Variants in ATP9B observed in about 807,000 individuals in gnomAD.
ATP9B encodes probable phospholipid-transporting ATPase IIB.
Under a neutral mutation model 146.1 loss-of-function variants are expected in ATP9B, and 110 were observed. The ratio of observed to expected loss-of-function variants is 0.75; its 90% CI spans 0.65 to 0.88. ATP9B has a LOEUF of 0.88. ATP9B is among the 40% of genes least tolerant of loss of function. The probability of loss-of-function intolerance (pLI) is 0.00; values close to 1 mark genes in which losing one functional copy is unlikely to be tolerated. For synonymous variants in ATP9B, 604 were observed against 569.7 expected, an observed-to-expected ratio of 1.06 and a Z score of -0.86; for missense variants, 1,499 against 1,496.4, an observed-to-expected ratio of 1.00 and a Z score of -0.03.
intron 11 of ATP9B, among the ~76,000 whole-genome samples, chr18:79,220,962 C>T (rs1026570236): frequency 2.0e-5 from 3 of 152,186 alleles, no homozygotes; most frequent in South Asian, 2.1e-4. Context: ...CGTCCTCTCC[C>T]GTTGCCCTCT....
chr18:79,375,283 T>C, intron 28 of ATP9B, 111 bp from the exon 29 acceptor site: 1 of 969,010 alleles, frequency 1.0e-6, no homozygotes, highest in Non-Finnish European at 1.6e-6. Context: ...CAGCTTGCAC[T>C]GCCATTTTAT....
At chr18:79,343,395 T>G (rs1012939950) in intron 20 of ATP9B, among the ~76,000 whole-genome samples, 8 of 152,324 alleles carry the variant, frequency 5.3e-5, no homozygotes, top group African/African-American at 1.9e-4. Context: ...TCTTTTATGC[T>G]CCATAAAATC....
At chr18:79,173,493 C>T (rs2095111775) in intron 7 of ATP9B, among the ~76,000 whole-genome samples, 1 of 150,666 alleles carries the variant, frequency 6.6e-6, no homozygotes, top group South Asian at 2.1e-4. Flanking sequence ...GAGTTAATTA[C>T]TGTATAAGAT....
intron 6 of ATP9B, among the ~76,000 whole-genome samples, chr18:79,151,611 G>A (rs1302062022): frequency 2.6e-5 from 4 of 152,296 alleles, no homozygotes; most frequent in South Asian, 4.2e-4. Context: ...GACCCTGCAC[G>A]TGGTTTTGCA....
rs981503702 is a variant in ATP9B at position 79,378,204 on chromosome 18, C to G, written c.*821C>G. On this transcript the variant is annotated 3_prime_UTR_variant, in exon 30 of 30. Transcript: ENST00000426216. ...CAGACGGCCTGCCCCACAGCCTGCC[C>G]TTTGCTGAAGATACCCTCGCTTTAT... 1.3e-5 allele frequency: 2 copies of G among 152,282 alleles called. No homozygotes were observed. Among genetic ancestry groups the G allele is most frequent in the Admixed American group, 1.3e-4 (2 of 15,292 alleles). The allele number at this position is 152,282 out of a possible 1,614,324, so 9.4% of individuals were successfully genotyped here.
intron 25 of ATP9B, among the ~76,000 whole-genome samples, chr18:79,349,674 C>T (rs1000163402): frequency 2.6e-5 from 4 of 152,154 alleles, no homozygotes; most frequent in Admixed American, 1.3e-4. Flanking sequence ...ATGTGAGGTC[C>T]TCTTAAGTCA....
chr18:79,129,928 G>A (rs2094350092), intron 5 of ATP9B, among the ~76,000 whole-genome samples: 1 of 152,152 alleles, frequency 6.6e-6, no homozygotes, highest in Admixed American at 6.5e-5. Flanking sequence ...ATTTTGTAGA[G>A]ATGGGGTTTC....
intron 7 of ATP9B, among the ~76,000 whole-genome samples, chr18:79,175,564 C>T (rs981887822): frequency 6.6e-6 from 1 of 152,034 alleles, no homozygotes; most frequent in African/African-American, 2.4e-5. Flanking sequence ...ATTTGCATGC[C>T]CTCACATCTG....
At chr18:79,081,135 A>G (rs2073217939) in intron 1 of ATP9B, among the ~76,000 whole-genome samples, 1 of 152,204 alleles carries the variant, frequency 6.6e-6, no homozygotes. Flanking sequence ...TGGCCTCATA[A>G]AATGAGTTAG....
At chr18:79,088,779 C>A (rs1362071309) in intron 1 of ATP9B, among the ~76,000 whole-genome samples, 1 of 152,058 alleles carries the variant, frequency 6.6e-6, no homozygotes. Context: ...TTCCTTTGGT[C>A]TTTTTCAACA....
At chr18:79,117,400 A>G (rs2094105349) in intron 4 of ATP9B, 1 of 152,264 alleles carries the variant, frequency 6.6e-6, no homozygotes, top group Non-Finnish European at 1.5e-5. Flanking sequence ...TGAAAGGGTT[A>G]TTCTATATGG....
In ATP9B at chr18:79,202,517, T is replaced by C. The variant is rs73974509; in HGVS notation, c.955-4420T>C. Among the ~76,000 whole-genome samples, 792 of 152,310 alleles carry C rather than the reference T, an allele frequency of 5.2e-3. 11 individuals carry two copies. The highest frequency in any genetic ancestry group is 0.017 in the African/African-American group (721 of 41,558). Reference sequence around the variant, plus strand: ...GCTGTTTGTTAAGTAGGGTATGCTGTTGAGAGAACAGCATGAAATGGTAAC... The same window carrying C: ...GCTGTTTGTTAAGTAGGGTATGCTGCTGAGAGAACAGCATGAAATGGTAAC... On this transcript the variant is annotated intron_variant, in intron 9 of 29. Transcript: ENST00000426216.
At chr18:79,304,636 G>C (rs925532822) in intron 14 of ATP9B, among the ~76,000 whole-genome samples, 1 of 152,202 alleles carries the variant, frequency 6.6e-6, no homozygotes, top group South Asian at 2.1e-4. Flanking sequence ...GTTGTGTATA[G>C]AGTCTGTCCA....
At chr18:79,319,197 C>G (rs1016304487) in intron 15 of ATP9B, among the ~76,000 whole-genome samples, 2 of 152,118 alleles carry the variant, frequency 1.3e-5, no homozygotes, top group Non-Finnish European at 2.9e-5. Flanking sequence ...ATGTCAGACA[C>G]TAAAAATAAA....
chr18:79,305,415 TAAGC>T, intron 14 of ATP9B, among the ~76,000 whole-genome samples: 1 of 152,348 alleles, frequency 6.6e-6, no homozygotes, highest in South Asian at 2.1e-4. Flanking sequence ...TCCACACACA[TAAGC>T]AAACAAACAT....
chr18:79,270,193 A>C (rs757140178), intron 12 of ATP9B, among the ~76,000 whole-genome samples: 2 of 152,158 alleles, frequency 1.3e-5, no homozygotes, highest in Non-Finnish European at 2.9e-5. Flanking sequence ...CTTTAATAGG[A>C]ATATTTCTTC....
chr18:79,375,277 T>G, intron 28 of ATP9B, 117 bp from the exon 29 acceptor site: 1 of 894,282 alleles, frequency 1.1e-6, no homozygotes, highest in Non-Finnish European at 1.8e-6. Context: ...AAAACGCAGC[T>G]TGCACTGCCA....
At chr18:79,366,061 G>C (rs2097026252) in intron 26 of ATP9B, among the ~76,000 whole-genome samples, 1 of 152,260 alleles carries the variant, frequency 6.6e-6, no homozygotes, top group African/African-American at 2.4e-5. Flanking sequence ...CATACATTGT[G>C]CATTTTGCTG....
At chr18:79,347,418 A>G (rs1287909361) in intron 23 of ATP9B, among the ~76,000 whole-genome samples, 1 of 150,170 alleles carries the variant, frequency 6.7e-6, no homozygotes, top group Admixed American at 6.6e-5. Context: ...GGCCCATGTC[A>G]GATCATAGGG....
Sources: allele counts gnomAD v4.1 joint callset (sites outside exome capture counted in the v4.1 genomes callset), GRCh38; gene constraint gnomAD v4.1.1; transcripts MANE v1.5; gene names NCBI Gene and HGNC (gene_info 2026-07-23, HGNC 2026-07-21).